MID1IP1: variants seen among roughly 807,000 people sequenced by gnomAD.
The protein encoded by MID1IP1 is mid1-interacting protein 1.
Under a neutral mutation model 6.8 loss-of-function variants are expected in MID1IP1, and 3 were observed. The ratio of observed to expected loss-of-function variants is 0.44; its 90% CI spans 0.20 to 1.14. The LOEUF (loss-of-function observed/expected upper bound fraction) is 1.14. MID1IP1 is among the 50% of genes most tolerant of loss of function. The pLI is 0.26. For synonymous variants in MID1IP1, 87 were observed against 70.4 expected (o/e 1.24, Z -1.18); for missense variants, 127 against 158.4 (o/e 0.80, Z 1.06).
In MID1IP1 at chrX:38,806,329, G is replaced by T. The variant is rs753062489; in HGVS notation, c.*831G>T. 1 of 121,845 alleles carries T rather than the reference G, an allele frequency of 8.2e-6. No individual in the cohort carries two copies. The highest frequency in any genetic ancestry group is 3.3e-5 in the African/African-American group (1 of 30,275). The allele number at this position is 121,845 out of a possible 1,213,427, so 10.0% of individuals were successfully genotyped here. A position where few individuals can be genotyped will look rare whatever the true frequency, so the allele number is the denominator to read the frequency against. The stretch of plus-strand genomic sequence containing the variant: ...GAACCAACTGACATTCTATCGTGTT[G>T]TACATAGAATGATGAAGGGTTCCAC... On this transcript the variant is annotated 3_prime_UTR_variant, in exon 3 of 3. Coordinates refer to ENST00000614558, the MANE Select transcript of MID1IP1 (RefSeq NM_021242.6).
rs1163930683 is a variant in MID1IP1 at position 38,803,873 on chromosome X, C to T, written c.-805C>T. Reference sequence around the variant, plus strand: ...TTCTGGTCATCCCACGCGGGGAGCGCGCGCAAGGCCCGCCCAGCCCCCACA... The same window carrying T: ...TTCTGGTCATCCCACGCGGGGAGCGTGCGCAAGGCCCGCCCAGCCCCCACA... On this transcript the variant is annotated 5_prime_UTR_variant, in exon 2 of 3. Coordinates refer to ENST00000614558, the MANE Select transcript of MID1IP1 (RefSeq NM_021242.6). 1 of 113,357 alleles carries T rather than the reference C, an allele frequency of 8.8e-6. No individual in the cohort carries two copies. The highest frequency in any genetic ancestry group is 1.9e-5 in the Non-Finnish European group (1 of 53,443). 9.3% of individuals were successfully genotyped at this position (113,357 alleles called of 1,213,427 possible).
In MID1IP1 at chrX:38,804,692, C is replaced by G. The variant is rs2070496176; in HGVS notation, c.-255C>G. On this transcript the variant is annotated 5_prime_UTR_variant, in exon 3 of 3. Transcript: ENST00000614558. ...TCCGTGTATCAAACAGGCCAGGGCT[C>G]GACCCACAGAGCACCCTCAGCCATC... is the stretch of plus-strand genomic sequence containing the variant. 1.1e-5 allele frequency: 4 copies of G among 374,640 alleles called. No homozygotes were observed. Among genetic ancestry groups the G allele is most frequent in the Non-Finnish European group, 1.9e-5 (4 of 214,826 alleles). 30.9% of individuals were successfully genotyped at this position (374,640 alleles called of 1,213,427 possible).
Position 38,805,084 on chromosome X carries a change from C to T in MID1IP1, c.138C>T (p.Pro46=). The T allele has an allele frequency of 5.0e-6, 6 of 1,211,625 alleles. No individual in the cohort carries two copies. Among genetic ancestry groups the T allele is most frequent in the Admixed American group, 2.2e-5 (1 of 46,098 alleles). Residue 46 remains proline (P), a synonymous_variant, in exon 3 of 3, where the codon CCC becomes CCT. Transcript: ENST00000614558. ...TGCGCGACGTGCCCCTGGCTGACCC[C>T]GGGTTAGACAACGATGTTGGCGTGG... ...SLLRDVPLAD[P]GLDNDVGVEV...
Position 38,804,043 on chromosome X carries a change from T to A in MID1IP1, c.-635T>A, listed in dbSNP as rs1436493827. On this transcript the variant is annotated 5_prime_UTR_variant, in exon 2 of 3. Coordinates refer to ENST00000614558, the MANE Select transcript of MID1IP1 (RefSeq NM_021242.6). ...CCTCCTCCTCTGCTCTGCCCTGCCC[T>A]GCCCTGGCCTGCCCCGGCGCCCTCC... The A allele has an allele frequency of 1.8e-5, 2 of 113,811 alleles. No homozygotes were observed. The highest frequency in any genetic ancestry group is 3.7e-5 in the Non-Finnish European group (2 of 53,799). 9.4% of individuals were successfully genotyped at this position (113,811 alleles called of 1,213,427 possible). A position where few individuals can be genotyped will look rare whatever the true frequency, so the allele number is the denominator to read the frequency against.
rs1194355715 is a variant in MID1IP1, at chrX:38,803,550, C to T, written c.-1128C>T. 8.9e-6 allele frequency: 1 copy of T among 112,680 alleles called. No individual in the cohort carries two copies. The highest frequency in any genetic ancestry group is 1.9e-5 in the Non-Finnish European group (1 of 53,334). The allele number at this position is 112,680 out of a possible 1,213,427, so 9.3% of individuals were successfully genotyped here. On this transcript the variant is annotated 5_prime_UTR_variant, in exon 2 of 3. Transcript: ENST00000614558. ...GTGTGCCCCTCTTCATCCCCGGCAA[C>T]CACTGTTAAAGGAAAGATTGGGAAA...
rs1323537055 is a variant in MID1IP1 at position 38,802,746 on chromosome X, G to A, written c.-1932G>A. 1.8e-5 allele frequency: 2 copies of A among 111,082 alleles called. No individual in the cohort carries two copies. The highest frequency in any genetic ancestry group is 3.3e-5 in the African/African-American group (1 of 30,432). The allele number at this position is 111,082 out of a possible 1,213,427, so 9.2% of individuals were successfully genotyped here. A position where few individuals can be genotyped will look rare whatever the true frequency, so the allele number is the denominator to read the frequency against. ...GACCTCTGTTAAGTTTTAGAGAAAA[G>A]GGATCTTTTTTTTTTTTATTTGAGA... On this transcript the variant is annotated 5_prime_UTR_variant, in exon 2 of 3. Transcript: ENST00000614558.
Position 38,803,970 on chromosome X carries a change from T to A in MID1IP1, c.-708T>A, listed in dbSNP as rs181152858. ...CCCTCGCTGTGCCCGGCCCTCCTCA[T>A]CTGGCCTGCCCAGGGCTTGGTGCTG... On this transcript the variant is annotated 5_prime_UTR_variant, in exon 2 of 3. Transcript: ENST00000614558. 2.5e-3 allele frequency: 285 copies of A among 113,509 alleles called. No individual in the cohort carries two copies. The highest frequency in any genetic ancestry group is 9.0e-3 in the African/African-American group (279 of 31,153). 9.4% of individuals were successfully genotyped at this position (113,509 alleles called of 1,213,427 possible).
rs752177738 is a variant in MID1IP1, at chrX:38,805,564, CTT to C, written c.*78_*79del. Reference sequence around the variant, plus strand: ...TCTCACCCTCTCTCATTCCTCAAAGCTTTTTTTTTTTTTCCTGGCTGGGGGGC... The same window carrying C: ...TCTCACCCTCTCTCATTCCTCAAAGCTTTTTTTTTTTCCTGGCTGGGGGGC... On this transcript the variant is annotated 3_prime_UTR_variant, in exon 3 of 3. Transcript: ENST00000614558. 4.2e-3 allele frequency: 3,430 copies of C among 819,861 alleles called. No individual in the cohort carries two copies. The highest frequency in any genetic ancestry group is 6.3e-3 in the Admixed American group (174 of 27,437). 67.6% of individuals were successfully genotyped at this position (819,861 alleles called of 1,213,427 possible). A position where few individuals can be genotyped will look rare whatever the true frequency, so the allele number is the denominator to read the frequency against.
At chrX:38,804,533 G>C (rs2070493539) in intron 2 of MID1IP1, 120 bp downstream of exon 2, 1 of 128,358 alleles carries the variant, frequency 7.8e-6, no homozygotes, top group Non-Finnish European at 1.6e-5. Flanking sequence ...AGGTGGGCGA[G>C]GAGGTGGGAC....
Position 38,805,765 on chromosome X carries a change from T to A in MID1IP1, c.*267T>A. ...TATGTTGGTGGGAATGGGACTGGGC[T>A]GACGCCCTGCATTCAGCCTGTGCCT... On this transcript the variant is annotated 3_prime_UTR_variant, in exon 3 of 3. Transcript: ENST00000614558. 2.5e-6 allele frequency: 1 copy of A among 404,918 alleles called. No individual in the cohort carries two copies. Among genetic ancestry groups the A allele is most frequent in the Non-Finnish European group, 4.4e-6 (1 of 226,640 alleles). The allele number at this position is 404,918 out of a possible 1,213,427, so 33.4% of individuals were successfully genotyped here.
In MID1IP1 at chrX:38,804,762, A is replaced by C; in HGVS notation, c.-185A>C. ...AGCCAGGAGAAGCCGCCCATCCCGC[A>C]GGGCCGGTCTGCCAGCGAGACGAGA... On this transcript the variant is annotated 5_prime_UTR_variant, in exon 3 of 3. Coordinates refer to ENST00000614558, the MANE Select transcript of MID1IP1 (RefSeq NM_021242.6). 2 of 460,531 alleles carry C rather than the reference A, an allele frequency of 4.3e-6. No individual in the cohort carries two copies. Among genetic ancestry groups the C allele is most frequent in the Non-Finnish European group, 7.1e-6 (2 of 281,642 alleles). 38.0% of individuals were successfully genotyped at this position (460,531 alleles called of 1,213,427 possible). A position where few individuals can be genotyped will look rare whatever the true frequency, so the allele number is the denominator to read the frequency against.
Position 38,805,663 on chromosome X carries a change from G to A in MID1IP1, c.*165G>A. 1 of 494,221 alleles carries A rather than the reference G, an allele frequency of 2.0e-6. No individual in the cohort carries two copies. Among genetic ancestry groups the A allele is most frequent in the East Asian group, 3.7e-5 (1 of 27,265 alleles). 40.7% of individuals were successfully genotyped at this position (494,221 alleles called of 1,213,427 possible). The stretch of plus-strand genomic sequence containing the variant: ...GCGGTGGGGCTGCGTGGAGGAGGGG[G>A]CCACGTGTGAGAGAGAAGAAAATGG... On this transcript the variant is annotated 3_prime_UTR_variant, in exon 3 of 3. Transcript: ENST00000614558.
Position 38,805,294 on chromosome X carries a change from G to A in MID1IP1, c.348G>A (p.Glu116=), listed in dbSNP as rs768314222. 3.3e-6 allele frequency: 4 copies of A among 1,203,702 alleles called. No homozygotes were observed. In the East Asian group the frequency reaches 1.2e-4, roughly 36 times the overall value. Residue 116 remains glutamate (E), a synonymous_variant, in exon 3 of 3, where the codon GAG becomes GAA. Coordinates refer to ENST00000614558, the MANE Select transcript of MID1IP1 (RefSeq NM_021242.6). ...LHQPPPPAGS[E]EGSAWKSKDI... ...AGCCGCCTCCACCGGCTGGGAGCGA[G>A]GAGGGCAGTGCCTGGAAGTCCAAGG...
Position 38,805,304 on chromosome X carries a change from G to A in MID1IP1, c.358G>A (p.Ala120Thr). ...PPPAGSEEGS[A>T]WKSKDILVDL... ...ACCGGCTGGGAGCGAGGAGGGCAGT[G>A]CCTGGAAGTCCAAGGACATCCTGGT... The change falls in exon 3 of 3, where the codon GCC becomes ACC. Residue 120 changes from alanine to threonine, a missense_variant. Ala to Thr is a moderately conservative substitution (Grantham distance 58, BLOSUM62 0). Coordinates refer to ENST00000614558, the MANE Select transcript of MID1IP1 (RefSeq NM_021242.6). The A allele has an allele frequency of 8.3e-7, 1 of 1,206,261 alleles. No individual in the cohort carries two copies. The highest frequency in any genetic ancestry group is 1.1e-6 in the Non-Finnish European group (1 of 892,691).
At position 38,805,198 on chromosome X, in the gene MID1IP1, T is replaced by C. The variant is rs1343407743; in HGVS notation, c.252T>C (p.Ser84=). 1 of 1,207,487 alleles carries C rather than the reference T, an allele frequency of 8.3e-7. No individual in the cohort carries two copies. Among genetic ancestry groups the C allele is most frequent in the East Asian group, 3.0e-5 (1 of 33,652 alleles). ...CCAATGGCAGCTTTTTCGCGCCCTC[T>C]CGGGACATGTACAGCCACTACGTGC... The part of the protein sequence containing the change: ...GSANGSFFAP[S]RDMYSHYVLL... Residue 84 remains serine, a synonymous_variant, in exon 3 of 3, where the codon TCT becomes TCC. Coordinates refer to ENST00000614558, the MANE Select transcript of MID1IP1 (RefSeq NM_021242.6).
rs762368965 is a variant in MID1IP1, at chrX:38,803,213, A to G, written c.-1465A>G. 1.4e-4 allele frequency: 16 copies of G among 112,824 alleles called. No homozygotes were observed. Among genetic ancestry groups the G allele is most frequent in the Non-Finnish European group, 2.2e-4 (12 of 53,353 alleles). 9.3% of individuals were successfully genotyped at this position (112,824 alleles called of 1,213,427 possible). ...TGAAATTCAAGGTGCAAGGCTCTTA[A>G]AAGTTAAATCCAGCGATTCGGTACA... On this transcript the variant is annotated 5_prime_UTR_variant, in exon 2 of 3. The change abolishes the stop of an existing upstream ORF in the 5' untranslated region. Coordinates refer to ENST00000614558, the MANE Select transcript of MID1IP1 (RefSeq NM_021242.6).
Position 38,805,767 on chromosome X carries a change from A to G in MID1IP1, c.*269A>G. The G allele has an allele frequency of 7.5e-6, 3 of 400,261 alleles. No homozygotes were observed. Among genetic ancestry groups the G allele is most frequent in the Non-Finnish European group, 1.3e-5 (3 of 224,082 alleles). 33.0% of individuals were successfully genotyped at this position (400,261 alleles called of 1,213,427 possible). On this transcript the variant is annotated 3_prime_UTR_variant, in exon 3 of 3. Transcript: ENST00000614558. ...TGTTGGTGGGAATGGGACTGGGCTG[A>G]CGCCCTGCATTCAGCCTGTGCCTTT...
Position 38,805,141 on chromosome X carries a change from G to A in MID1IP1, c.195G>A (p.Glu65=), listed in dbSNP as rs1013373712. 1 of 1,209,640 alleles carries A rather than the reference G, an allele frequency of 8.3e-7. No individual in the cohort carries two copies. The highest frequency in any genetic ancestry group is 1.1e-6 in the Non-Finnish European group (1 of 894,420). The change falls in exon 3 of 3, where the codon GAG becomes GAA. Residue 65 remains glutamate, a synonymous_variant. Coordinates refer to ENST00000614558, the MANE Select transcript of MID1IP1 (RefSeq NM_021242.6). The stretch of plus-strand genomic sequence containing the variant: ...GCGGCAGTGGCGGCTGCCTGGAGGA[G>A]CGCACGCCCCCAGTCCCCGACTCGG... ...EVGGSGGCLE[E]RTPPVPDSGS...
chrX:38,802,341 G>T (rs2070463855), intron 1 of MID1IP1, among the ~76,000 whole-genome samples, 194 bp from the exon 2 acceptor site: 3 of 112,484 alleles, frequency 2.7e-5, no homozygotes, highest in African/African-American at 9.7e-5. Context: ...GTTATATAAT[G>T]CTTCCTGCCT....
Sources: allele counts gnomAD v4.1 joint callset (sites outside exome capture counted in the v4.1 genomes callset), GRCh38; gene constraint gnomAD v4.1.1; transcripts MANE v1.5; gene names NCBI Gene and HGNC (gene_info 2026-07-23, HGNC 2026-07-21).